Variants in DEPTOR observed in about 807,000 individuals in gnomAD.
DEPTOR encodes the protein DEP domain containing MTOR interacting protein, also known as DEP domain-containing mTOR-interacting protein.
DEPTOR carries 41 observed loss-of-function variants against 41.6 expected under a neutral mutation model. The ratio of observed to expected loss-of-function variants is 0.98; its 90% CI spans 0.77 to 1.28. The LOEUF is 1.28. Among genes scored for constraint, DEPTOR ranks in the 50% most tolerant of loss-of-function variants. The pLI is 0.00. For missense variants in DEPTOR, 514 were observed against 527.9 expected (o/e 0.97, Z 0.26); for synonymous variants, 195 against 192.3 (o/e 1.01, Z -0.12).
At chr8:119,942,716 T>C (rs1445017812) in intron 3 of DEPTOR, among the ~76,000 whole-genome samples, 1 of 152,212 alleles carries the variant, frequency 6.6e-6, no homozygotes, top group Non-Finnish European at 1.5e-5. Context: ...ATTTAAGTTT[T>C]CTGGAGTTGA....
At chr8:119,936,119 G>A (rs1297996324) in intron 3 of DEPTOR, among the ~76,000 whole-genome samples, 1 of 151,380 alleles carries the variant, frequency 6.6e-6, no homozygotes, top group Admixed American at 6.6e-5. Context: ...TGAAGAATTG[G>A]CTTAACAAGC....
chr8:119,892,239 T>C (rs1377483669), intron 1 of DEPTOR, among the ~76,000 whole-genome samples: 2 of 152,220 alleles, frequency 1.3e-5, no homozygotes, highest in African/African-American at 2.4e-5. Context: ...CATCAGGTGA[T>C]CTGCCCGCCT....
At chr8:119,881,917 G>T (rs535519084) in intron 1 of DEPTOR, among the ~76,000 whole-genome samples, 2 of 151,880 alleles carry the variant, frequency 1.3e-5, no homozygotes, top group South Asian at 4.2e-4. Context: ...TTTGAGATAG[G>T]GTCTCACTCT....
intron 1 of DEPTOR, among the ~76,000 whole-genome samples, chr8:119,922,899 C>T (rs918324678): frequency 2.0e-5 from 3 of 152,090 alleles, no homozygotes; most frequent in Non-Finnish European, 4.4e-5. Context: ...ATGTAGCAGG[C>T]CCTGGTGGGA....
chr8:120,015,760 T>G (rs556135666), intron 8 of DEPTOR, among the ~76,000 whole-genome samples: 7 of 152,206 alleles, frequency 4.6e-5, no homozygotes, highest in African/African-American at 1.7e-4. Context: ...TACCAGCCAG[T>G]TTTATAAGTA....
chr8:120,035,296 T>C (rs1586668299), intron 8 of DEPTOR, among the ~76,000 whole-genome samples: 2 of 150,610 alleles, frequency 1.3e-5, no homozygotes, highest in East Asian at 1.9e-4. Context: ...CTCCAGCCTG[T>C]GAGACAGAGT....
chr8:120,025,676 G>C (rs1219848258), intron 8 of DEPTOR, among the ~76,000 whole-genome samples: 2 of 152,034 alleles, frequency 1.3e-5, no homozygotes, highest in Non-Finnish European at 2.9e-5. Context: ...GATACTTCCA[G>C]AATGCTTCTC....
chr8:119,961,346 G>T lies in DEPTOR; in HGVS notation c.426-3886G>T, dbSNP rs111775470. Among the ~76,000 whole-genome samples, 509 of 150,314 alleles carry T rather than the reference G, an allele frequency of 3.4e-3. 3 individuals are homozygous for T. Among genetic ancestry groups the T allele is most frequent in the African/African-American group, 0.012 (489 of 40,926 alleles). On this transcript the variant is annotated intron_variant, in intron 3 of 8. Coordinates refer to ENST00000286234, the MANE Select transcript of DEPTOR (RefSeq NM_022783.4). ...CAGGAGAATCGCTTGAACCTGGGAGGTAGAGGTTGCGGTGAGCTGAGATTG... is the reference window on the plus strand; with the variant it reads ...CAGGAGAATCGCTTGAACCTGGGAGTTAGAGGTTGCGGTGAGCTGAGATTG...
intron 4 of DEPTOR, among the ~76,000 whole-genome samples, chr8:119,979,852 A>G (rs1424059616): frequency 6.6e-6 from 1 of 152,048 alleles, no homozygotes; most frequent in Non-Finnish European, 1.5e-5. Context: ...CATAACCTCA[A>G]TGGGGGATTC....
chr8:119,998,077 T>A (rs951917917), intron 4 of DEPTOR, among the ~76,000 whole-genome samples: 1 of 152,180 alleles, frequency 6.6e-6, no homozygotes, highest in African/African-American at 2.4e-5. Context: ...GGTAGTTGAA[T>A]AAATGGATGG....
intron 1 of DEPTOR, among the ~76,000 whole-genome samples, chr8:119,887,127 TC>T (rs1563956948): frequency 0.043 from 250 of 5,792 alleles, 2 homozygotes; most frequent in African/African-American, 0.051. Flanking sequence ...CCCCCTCCCC[TC>T]CCCCCCCCCT....
At chr8:119,920,399 A>C (rs1218266535) in intron 1 of DEPTOR, among the ~76,000 whole-genome samples, 1 of 152,214 alleles carries the variant, frequency 6.6e-6, no homozygotes, top group Non-Finnish European at 1.5e-5. Flanking sequence ...TGTTGGCGCT[A>C]AAATATTGTG....
chr8:120,032,516 C>G (rs1375429570), intron 8 of DEPTOR, among the ~76,000 whole-genome samples: 1 of 152,020 alleles, frequency 6.6e-6, no homozygotes, highest in Non-Finnish European at 1.5e-5. Flanking sequence ...TTACCACACC[C>G]AGCCAACACT....
intron 4 of DEPTOR, among the ~76,000 whole-genome samples, chr8:119,988,727 C>T (rs2130042084): frequency 6.6e-6 from 1 of 152,276 alleles, no homozygotes; most frequent in South Asian, 2.1e-4. Context: ...AAGCGAACTG[C>T]CCGCCTCGGG....
intron 8 of DEPTOR, among the ~76,000 whole-genome samples, chr8:120,027,261 T>TAATAATAAC (rs1812812546): frequency 6.7e-6 from 1 of 149,254 alleles, no homozygotes; most frequent in Non-Finnish European, 1.5e-5. Flanking sequence ...ATAATAATAA[T>TAATAATAAC]GCCTTTCTTT....
At chr8:119,965,481 C>T (rs750048092) in intron 4 of DEPTOR, 71 bp downstream of exon 4, 501 of 1,532,322 alleles carry the variant, frequency 3.3e-4, no homozygotes, top group Non-Finnish European at 3.9e-4. Context: ...TACAACAACA[C>T]GTACTTATTT....
intron 1 of DEPTOR, among the ~76,000 whole-genome samples, chr8:119,914,131 C>T (rs1184604538): frequency 1.3e-5 from 2 of 151,466 alleles, no homozygotes; most frequent in Admixed American, 6.6e-5. Context: ...CTACAACCTC[C>T]ACCTCCTGGG....
At chr8:119,971,226 G>A (rs1563578038) in intron 4 of DEPTOR, among the ~76,000 whole-genome samples, 1 of 80,132 alleles carries the variant, frequency 1.2e-5, no homozygotes, top group Non-Finnish European at 2.6e-5. Flanking sequence ...GCGAGACTCC[G>A]TCTCAAAAAA....
chr8:119,936,029 G>T (rs1828108517), intron 3 of DEPTOR, among the ~76,000 whole-genome samples: 2 of 144,000 alleles, frequency 1.4e-5, no homozygotes, highest in Non-Finnish European at 3.0e-5. Context: ...TATCCAAAGG[G>T]CCTTGATTTT....
Sources: allele counts gnomAD v4.1 joint callset (sites outside exome capture counted in the v4.1 genomes callset), GRCh38; gene constraint gnomAD v4.1.1; transcripts MANE v1.5; gene names NCBI Gene and HGNC (gene_info 2026-07-23, HGNC 2026-07-21).